The following DNMT1 variants were observed in gnomAD, a reference collection of about 807,000 sequenced individuals.
The protein encoded by DNMT1 is DNA (cytosine-5)-methyltransferase 1.
Under a neutral mutation model 205.3 loss-of-function variants are expected in DNMT1, and 24 were observed. That is an observed-to-expected ratio of 0.12 (90% CI 0.08 to 0.16). DNMT1 has a LOEUF of 0.16. Ranked by LOEUF, DNMT1 falls within the 10% of genes least tolerant of loss-of-function variation. DNMT1 has a pLI of 1.00. For synonymous variants in DNMT1, 817 were observed against 839.8 expected (o/e 0.97, Z 0.47); for missense variants, 1,293 against 2,177.7 (o/e 0.59, Z 8.09).
intron 27 of DNMT1, among the ~76,000 whole-genome samples, chr19:10,148,176 G>T (rs1025004978): frequency 7.2e-6 from 1 of 139,396 alleles, no homozygotes; most frequent in African/African-American, 2.6e-5. Flanking sequence ...AAAAATAAAA[G>T]CTTCCCTCAA....
At position 10,138,209 on chromosome 19, in the gene DNMT1, C is replaced by G. The variant is rs368682710; in HGVS notation, c.4116-200G>C. 6.6e-6 allele frequency among the ~76,000 whole-genome samples: 1 copy of G among 152,238 alleles called. No individual in the cohort carries two copies. On this transcript the variant is annotated intron_variant, in intron 35 of 40. Transcript: ENST00000359526. This position sits in a 1 kb window ranked among gnomAD's most constrained non-coding sequence, Gnocchi z 4.1. ...GCGTGGGCTTTGTGGATGACCACAG[C>G]CAAGCATGCGGCTGGCCGCTCTGCA...
rs570004016 is a variant in DNMT1 at position 10,143,262 on chromosome 19, C to T, written c.3116+504G>A. 2.6e-5 allele frequency among the ~76,000 whole-genome samples: 4 copies of T among 152,142 alleles called. No homozygotes were observed. In the South Asian group the frequency reaches 6.2e-4, roughly 24 times the overall value. On this transcript the variant is annotated intron_variant, in intron 29 of 40. Transcript: ENST00000359526. ...GACGGGGTCTGGCTGTCACCCAGGCCGGAGTGCAGTGGTGGGATCATGGCT... is the reference window on the plus strand; with the variant it reads ...GACGGGGTCTGGCTGTCACCCAGGCTGGAGTGCAGTGGTGGGATCATGGCT...
chr19:10,138,917 G>C lies in DNMT1; in HGVS notation c.3949-312C>G, dbSNP rs140853132. On this transcript the variant is annotated intron_variant, in intron 34 of 40. Transcript: ENST00000359526. The surrounding 1 kb of genome is among the most constrained non-coding windows in gnomAD (Gnocchi z 4.1). ...CTTAGCACTCGGGGAGAACACTGGA[G>C]ACCAGGAGCCCTGTCGCTTCCCTGA... Among the ~76,000 whole-genome samples, 149 of 152,336 alleles carry C rather than the reference G, an allele frequency of 9.8e-4. No individual in the cohort carries two copies. The highest frequency in any genetic ancestry group is 3.3e-3 in the African/African-American group (138 of 41,572).
chr19:10,193,945 T>C (rs2039350821), intron 1 of DNMT1, among the ~76,000 whole-genome samples: 1 of 152,160 alleles, frequency 6.6e-6, no homozygotes, highest in Non-Finnish European at 1.5e-5. Context: ...CACTGATCCT[T>C]GTGCACGGAA....
chr19:10,152,608 T>G (rs1276254261), intron 22 of DNMT1, among the ~76,000 whole-genome samples: 1 of 151,320 alleles, frequency 6.6e-6, no homozygotes, highest in African/African-American at 2.4e-5. Flanking sequence ...ATGTTTTTTT[T>G]TAATTAGCTG....
intron 3 of DNMT1, 93 bp downstream of exon 3, chr19:10,180,685 G>A: frequency 6.8e-7 from 1 of 1,470,738 alleles, no homozygotes; most frequent in Non-Finnish European, 9.5e-7. Context: ...CAGGCAATGA[G>A]GACAGCTGGG....
intron 9 of DNMT1, among the ~76,000 whole-genome samples, chr19:10,168,644 T>C (rs932538697): frequency 2.0e-5 from 3 of 152,200 alleles, no homozygotes; most frequent in African/African-American, 7.2e-5. Context: ...AAGGAGATAC[T>C]ACAACACTGC....
intron 7 of DNMT1, among the ~76,000 whole-genome samples, chr19:10,174,408 T>C (rs530984632): frequency 3.5e-3 from 539 of 151,976 alleles, no homozygotes; most frequent in Non-Finnish European, 6.8e-3. Context: ...GAATGAGACC[T>C]GTCTCAAAGA....
chr19:10,182,195 T>A, intron 1 of DNMT1, 118 bp from the exon 2 acceptor site: 1 of 1,035,506 alleles, frequency 9.7e-7, no homozygotes, highest in African/African-American at 1.6e-5. Flanking sequence ...ATATGAGTGT[T>A]AGAAAAAACT....
chr19:10,156,349 T>C lies in DNMT1; in HGVS notation c.1399+42A>G, dbSNP rs772171697. ...GATGTGAGCCACCCTGCCTGGCTGT[T>C]TTTAAAGTGTGCCCCAAACATAATC... On this transcript the variant is annotated intron_variant, in intron 18 of 40. Coordinates refer to ENST00000359526, the MANE Select transcript of DNMT1 (RefSeq NM_001130823.3). This position sits in a 1 kb window ranked among gnomAD's most constrained non-coding sequence, Gnocchi z 4.2. 2 of 1,531,186 alleles carry C rather than the reference T, an allele frequency of 1.3e-6. No homozygotes were observed. Among genetic ancestry groups the C allele is most frequent in the Admixed American group, 3.4e-5 (2 of 59,670 alleles). The allele number at this position is 1,531,186 out of a possible 1,614,324, so 94.8% of individuals were successfully genotyped here.
At position 10,149,033 on chromosome 19, in the gene DNMT1, T is replaced by C; in HGVS notation, c.2587-16A>G. 1.2e-6 allele frequency: 2 copies of C among 1,613,690 alleles called. No homozygotes were observed. Among genetic ancestry groups the C allele is most frequent in the Non-Finnish European group, 1.7e-6 (2 of 1,179,932 alleles). ...CCATGCCTCCCTTGGGAGATAAGAA[T>C]GCGTGTCAGGCCAGGCGCAGTGGCT... On this transcript the variant is annotated splice_polypyrimidine_tract_variant and intron_variant, in intron 26 of 40. Coordinates refer to ENST00000359526, the MANE Select transcript of DNMT1 (RefSeq NM_001130823.3).
chr19:10,137,161 C>T lies in DNMT1; in HGVS notation c.4413G>A (p.Leu1471=), dbSNP rs751350395. ...RLSDGTMARK[L]RYTHHDRKNG... is the part of the protein sequence containing the mutation. Reference sequence around the variant, plus strand: ...TCTTCCTGTCATGGTGGGTATACCGCAGCTTCCTGGCCATGGTGCCGTCTG... The same window carrying T: ...TCTTCCTGTCATGGTGGGTATACCGTAGCTTCCTGGCCATGGTGCCGTCTG... The change falls in exon 37 of 41, where the codon CTG becomes CTA. Residue 1471 remains leucine (L), a synonymous_variant. Transcript: ENST00000359526. The surrounding 1 kb of genome is among the most constrained non-coding windows in gnomAD (Gnocchi z 6.4). 7 of 1,610,082 alleles carry T rather than the reference C, an allele frequency of 4.3e-6. No homozygotes were observed. Among genetic ancestry groups the T allele is most frequent in the Non-Finnish European group, 5.9e-6 (7 of 1,178,892 alleles).
At chr19:10,163,384 T>G (rs754170804) in intron 11 of DNMT1, 24 bp from the exon 12 acceptor site, 1 of 1,612,310 alleles carries the variant, frequency 6.2e-7, no homozygotes, top group South Asian at 1.1e-5. Context: ...AAGGGGGAGG[T>G]AGAGAGATAA....
intron 9 of DNMT1, among the ~76,000 whole-genome samples, chr19:10,168,988 C>T (rs2038750363): frequency 6.6e-6 from 1 of 152,122 alleles, no homozygotes; most frequent in Non-Finnish European, 1.5e-5. Context: ...CAGGCACACA[C>T]CACCATGACC....
intron 9 of DNMT1, among the ~76,000 whole-genome samples, chr19:10,169,854 G>A (rs2038776512): frequency 6.6e-6 from 1 of 152,200 alleles, no homozygotes; most frequent in African/African-American, 2.4e-5. Flanking sequence ...TTTCGATCTT[G>A]CCCCAGGTTC....
intron 5 of DNMT1, among the ~76,000 whole-genome samples, chr19:10,179,570 G>A (rs528907983): frequency 1.3e-5 from 2 of 152,210 alleles, no homozygotes; most frequent in East Asian, 3.9e-4. Flanking sequence ...ATCTAAGCTA[G>A]TTAGGAAGTG....
intron 1 of DNMT1, among the ~76,000 whole-genome samples, chr19:10,183,198 C>T (rs1188567423): frequency 6.6e-6 from 1 of 150,610 alleles, no homozygotes; most frequent in African/African-American, 2.4e-5. Flanking sequence ...TCAGCTCAAC[C>T]TCCGACTCCC....
intron 40 of DNMT1, 138 bp downstream of exon 40, chr19:10,134,079 T>C: frequency 4.8e-6 from 4 of 840,078 alleles, no homozygotes; most frequent in Non-Finnish European, 7.9e-6. Context: ...AGCAGCCCCT[T>C]GAGAAAGATG....
intron 17 of DNMT1, among the ~76,000 whole-genome samples, chr19:10,158,771 C>T (rs998728662): frequency 6.6e-6 from 1 of 152,234 alleles, no homozygotes; most frequent in Non-Finnish European, 1.5e-5. Flanking sequence ...GCAACCACCA[C>T]ACCAGACTCA....
Sources: allele counts gnomAD v4.1 joint callset (sites outside exome capture counted in the v4.1 genomes callset), GRCh38; gene constraint gnomAD v4.1.1; non-coding constraint Gnocchi (gnomAD v3.1); transcripts MANE v1.5; gene names NCBI Gene and HGNC (gene_info 2026-07-23, HGNC 2026-07-21).